Variants in TTC29 observed in about 807,000 individuals in gnomAD.
TTC29 encodes the protein tetratricopeptide repeat protein 29.
Under a neutral mutation model 58.1 loss-of-function variants are expected in TTC29, and 49 were observed. The observed-to-expected ratio is 0.84, with a 90% CI of 0.67 to 1.07. The LOEUF (loss-of-function observed/expected upper bound fraction) is 1.07. Among genes scored for constraint, TTC29 ranks in the 50% least tolerant of loss-of-function variants. The pLI is 0.00. For missense variants in TTC29, 582 were observed against 555.6 expected (o/e 1.05, Z -0.48); for synonymous variants, 209 against 196.8 (o/e 1.06, Z -0.52).
chr4:146,876,844 G>A (rs1402368975), intron 6 of TTC29, among the ~76,000 whole-genome samples: 1 of 151,720 alleles, frequency 6.6e-6, no homozygotes, highest in Non-Finnish European at 1.5e-5. Context: ...GCTGAGGCAG[G>A]GGAATCGCTT....
chr4:146,719,191 T>G (rs564736280), intron 11 of TTC29, among the ~76,000 whole-genome samples: 2,422 of 92,072 alleles, frequency 0.026, 24 homozygotes, highest in African/African-American at 0.056. Flanking sequence ...GCTATTGGGG[T>G]GTGTGTGTGT....
chr4:146,923,067 C>A (rs1995811), intron 4 of TTC29, among the ~76,000 whole-genome samples: 23,987 of 151,582 alleles, frequency 0.16, 3,030 homozygotes, highest in African/African-American at 0.34. Context: ...AGCATTGAAA[C>A]GGATAAAAAA....
chr4:146,908,973 G>A, intron 5 of TTC29, 53 bp downstream of exon 5: 1 of 1,473,142 alleles, frequency 6.8e-7, no homozygotes, highest in African/African-American at 1.4e-5. Flanking sequence ...TCTTCCCCCA[G>A]GAGCTCGGTG....
At chr4:146,913,651 C>G (rs542619119) in intron 4 of TTC29, among the ~76,000 whole-genome samples, 18 of 152,196 alleles carry the variant, frequency 1.2e-4, no homozygotes, top group Admixed American at 9.2e-4. Flanking sequence ...AAGATTCTCT[C>G]GTAGTTCCTG....
intron 2 of TTC29, among the ~76,000 whole-genome samples, chr4:146,941,753 G>C (rs760278933): frequency 6.6e-4 from 100 of 152,262 alleles, no homozygotes; most frequent in Non-Finnish European, 1.3e-3. Context: ...GCATAGAATT[G>C]ACACGATCTG....
At chr4:146,887,412 C>A (rs12500702) in intron 6 of TTC29, among the ~76,000 whole-genome samples, 7,606 of 152,040 alleles carry the variant, frequency 0.05, 321 homozygotes, top group Admixed American at 0.12. Flanking sequence ...ACCGTTAAAT[C>A]AGTTTGAAAA....
chr4:146,727,286 C>T (rs1743865198), intron 11 of TTC29, among the ~76,000 whole-genome samples: 1 of 152,124 alleles, frequency 6.6e-6, no homozygotes, highest in Non-Finnish European at 1.5e-5. Context: ...CACAGTCTCT[C>T]CCACTTTGAC....
Position 146,818,822 on chromosome 4 carries a change from A to T in TTC29, c.1101+1303T>A, listed in dbSNP as rs1751616894. Among the ~76,000 whole-genome samples, 7 of 152,174 alleles carry T rather than the reference A, an allele frequency of 4.6e-5. No homozygotes were observed. In the South Asian group the frequency reaches 1.5e-3, roughly 32 times the overall value. ...AATTGGAAATCATCATTCTCAGTAA[A>T]CTATCGCAAGGACAAAAAACCAAAC... On this transcript the variant is annotated intron_variant, in intron 10 of 12. Coordinates refer to ENST00000325106, the MANE Select transcript of TTC29 (RefSeq NM_031956.4).
chr4:146,840,945 G>A (rs1310267827), intron 8 of TTC29, among the ~76,000 whole-genome samples: 3 of 152,124 alleles, frequency 2.0e-5, no homozygotes, highest in Non-Finnish European at 4.4e-5. Flanking sequence ...GCTTTAAAAA[G>A]CATTCACAGA....
chr4:146,724,702 C>T (rs1194175740), intron 11 of TTC29, among the ~76,000 whole-genome samples: 1 of 151,886 alleles, frequency 6.6e-6, no homozygotes, highest in Non-Finnish European at 1.5e-5. Context: ...TTAGTAGAGA[C>T]GGGGTTTCAC....
chr4:146,709,540 C>T (rs1742331095), intron 11 of TTC29, among the ~76,000 whole-genome samples: 1 of 152,032 alleles, frequency 6.6e-6, no homozygotes, highest in African/African-American at 2.4e-5. Flanking sequence ...CTAGTTAAAT[C>T]TAGTTATCTG....
intron 9 of TTC29, among the ~76,000 whole-genome samples, chr4:146,821,573 C>T (rs947544522): frequency 6.6e-6 from 1 of 152,128 alleles, no homozygotes; most frequent in African/African-American, 2.4e-5. Flanking sequence ...TTCAGGAAGA[C>T]ATATAATTTC....
At chr4:146,920,637 A>G (rs1734517361) in intron 4 of TTC29, among the ~76,000 whole-genome samples, 2 of 143,822 alleles carry the variant, frequency 1.4e-5, no homozygotes, top group South Asian at 4.3e-4. Flanking sequence ...ATATACACTT[A>G]TAAAACTTAT....
intron 11 of TTC29, among the ~76,000 whole-genome samples, chr4:146,782,560 A>G (rs1271131574): frequency 1.3e-5 from 2 of 151,960 alleles, no homozygotes; most frequent in East Asian, 1.9e-4. Flanking sequence ...ACCACATTCA[A>G]TGCAATACTT....
At chr4:146,850,943 C>T (rs115265179) in intron 8 of TTC29, among the ~76,000 whole-genome samples, 1 of 152,178 alleles carries the variant, frequency 6.6e-6, no homozygotes, top group African/African-American at 2.4e-5. Context: ...TGCATTACAA[C>T]AGTAAGGACC....
At chr4:146,849,402 A>T (rs1729374569) in intron 8 of TTC29, among the ~76,000 whole-genome samples, 1 of 152,070 alleles carries the variant, frequency 6.6e-6, no homozygotes, top group African/African-American at 2.4e-5. Context: ...CACACTAAGC[A>T]TGATTGTGCT....
intron 11 of TTC29, among the ~76,000 whole-genome samples, chr4:146,747,708 C>A (rs1400873077): frequency 6.6e-6 from 1 of 152,218 alleles, no homozygotes; most frequent in East Asian, 1.9e-4. Flanking sequence ...CCCAGCACAA[C>A]ATCTGATGTG....
intron 11 of TTC29, among the ~76,000 whole-genome samples, chr4:146,772,912 A>G (rs780984838): frequency 4.6e-5 from 7 of 152,010 alleles, no homozygotes; most frequent in Non-Finnish European, 8.8e-5. Context: ...AGTGTTTTGT[A>G]ATTTTCATAG....
intron 6 of TTC29, among the ~76,000 whole-genome samples, chr4:146,903,077 C>T (rs1733262846): frequency 6.6e-6 from 1 of 151,992 alleles, no homozygotes; most frequent in South Asian, 2.1e-4. Context: ...TAGATTTTGG[C>T]TTGTCTTAAC....
Sources: allele counts gnomAD v4.1 joint callset (sites outside exome capture counted in the v4.1 genomes callset), GRCh38; gene constraint gnomAD v4.1.1; transcripts MANE v1.5; gene names NCBI Gene and HGNC (gene_info 2026-07-23, HGNC 2026-07-21).